The following MAD1L1 variants were observed in gnomAD, a reference collection of about 807,000 sequenced individuals.
The protein encoded by MAD1L1 is mitotic spindle assembly checkpoint protein MAD1.
In MAD1L1, 95 loss-of-function variants were observed where a neutral mutation model predicts 96.9. The observed-to-expected ratio is 0.98, with a 90% CI of 0.83 to 1.16. The LOEUF is 1.16. Ranked by LOEUF, MAD1L1 falls within the 50% of genes most tolerant of loss-of-function variation. MAD1L1 has a pLI of 0.00. For missense variants in MAD1L1, 1,007 were observed against 954.4 expected (o/e 1.06, Z -0.73); for synonymous variants, 473 against 396.6 (o/e 1.19, Z -2.29).
intron 17 of MAD1L1, among the ~76,000 whole-genome samples, chr7:1,907,536 G>A (rs796760945): frequency 5.9e-5 from 9 of 152,388 alleles, no homozygotes; most frequent in African/African-American, 1.4e-4. Flanking sequence ...CCTACTCGGC[G>A]TAGGCCCGGC....
chr7:1,888,493 T>C (rs1009084409), intron 18 of MAD1L1, among the ~76,000 whole-genome samples: 49 of 151,482 alleles, frequency 3.2e-4, no homozygotes, highest in Admixed American at 3.0e-3. Context: ...TGCATGCATG[T>C]ATGTGGCTGC....
At chr7:2,171,891 G>A (rs763960747) in intron 10 of MAD1L1, among the ~76,000 whole-genome samples, 3 of 152,200 alleles carry the variant, frequency 2.0e-5, no homozygotes, top group African/African-American at 4.8e-5. Context: ...GACCAGACCC[G>A]TAAGAGATGC....
intron 14 of MAD1L1, among the ~76,000 whole-genome samples, chr7:1,985,896 C>G (rs533535309): frequency 2.0e-5 from 3 of 152,338 alleles, no homozygotes; most frequent in African/African-American, 7.2e-5. Flanking sequence ...CCAAGCCTCA[C>G]AGACTCTACC....
chr7:1,853,857 C>A (rs1250397803), intron 18 of MAD1L1, among the ~76,000 whole-genome samples: 5 of 152,196 alleles, frequency 3.3e-5, no homozygotes, highest in African/African-American at 1.2e-4. Context: ...ACCGGGCAGG[C>A]CCCACCTGGC....
rs563044891 is a variant in MAD1L1, at chr7:2,038,526, T to G, written c.1219-23884A>C. ...TTTTTTTTTTTTTTTTTTTTTTTTT[T>G]GAGACACAGTCTCACTCATTCTGTC... On this transcript the variant is annotated intron_variant, in intron 12 of 18. Coordinates refer to ENST00000265854, the MANE Select transcript of MAD1L1 (RefSeq NM_001013836.2). 1.9e-4 allele frequency among the ~76,000 whole-genome samples: 22 copies of G among 112,828 alleles called. No individual in the cohort carries two copies. In the South Asian group the frequency reaches 6.1e-3, roughly 32 times the overall value. 74.0% of individuals were successfully genotyped at this position (112,828 alleles called of 152,430 possible).
At chr7:1,903,592 G>T (rs1192165835) in intron 17 of MAD1L1, among the ~76,000 whole-genome samples, 3 of 138,786 alleles carry the variant, frequency 2.2e-5, no homozygotes, top group Non-Finnish European at 4.5e-5. Flanking sequence ...CAGCGAGCAC[G>T]CAGTGGCCTA....
chr7:1,911,209 C>A (rs1787997685), intron 17 of MAD1L1, among the ~76,000 whole-genome samples: 4 of 152,160 alleles, frequency 2.6e-5, no homozygotes, highest in Admixed American at 2.6e-4. Context: ...ACCCGCTGGA[C>A]ACCAGGTTTC....
At chr7:1,885,449 TCA>T (rs1257006049) in intron 18 of MAD1L1, among the ~76,000 whole-genome samples, 2 of 151,604 alleles carry the variant, frequency 1.3e-5, no homozygotes, top group African/African-American at 4.9e-5. Flanking sequence ...GCCAGTGCAC[TCA>T]GACAGGAGAG....
chr7:1,929,646 C>G (rs1185465097), intron 17 of MAD1L1, among the ~76,000 whole-genome samples: 3 of 152,072 alleles, frequency 2.0e-5, no homozygotes, highest in East Asian at 1.9e-4. Context: ...ACACCAGAGA[C>G]AGCCCTTGGG....
chr7:2,053,440 C>T (rs1294039072), intron 12 of MAD1L1, among the ~76,000 whole-genome samples: 1 of 152,254 alleles, frequency 6.6e-6, no homozygotes, highest in Non-Finnish European at 1.5e-5. Context: ...ATGCAAGGAA[C>T]TGTGCCAGCC....
At chr7:1,954,663 A>C (rs572242261) in intron 16 of MAD1L1, among the ~76,000 whole-genome samples, 2 of 152,332 alleles carry the variant, frequency 1.3e-5, no homozygotes, top group Admixed American at 1.3e-4. Context: ...TCTTCACTTC[A>C]GAACACTGCA....
chr7:2,085,662 T>C (rs977350956), intron 11 of MAD1L1, among the ~76,000 whole-genome samples: 1 of 152,176 alleles, frequency 6.6e-6, no homozygotes, highest in Admixed American at 6.5e-5. Context: ...TCAGCCTCCA[T>C]CTCTTATGGC....
chr7:2,104,211 C>T (rs1488564411), intron 11 of MAD1L1, among the ~76,000 whole-genome samples: 1 of 152,226 alleles, frequency 6.6e-6, no homozygotes, highest in Non-Finnish European at 1.5e-5. Context: ...TAGCGGCAAA[C>T]TCCTCCACAG....
chr7:1,851,211 G>C (rs955791179), intron 18 of MAD1L1, among the ~76,000 whole-genome samples: 4 of 152,140 alleles, frequency 2.6e-5, no homozygotes, highest in Non-Finnish European at 5.9e-5. Context: ...GCAGGAGCCC[G>C]GCCTCGGCCG....
intron 10 of MAD1L1, among the ~76,000 whole-genome samples, chr7:2,195,627 A>G (rs1318157535): frequency 6.6e-6 from 1 of 152,212 alleles, no homozygotes; most frequent in Non-Finnish European, 1.5e-5. Flanking sequence ...CACCTGATAA[A>G]AAATTAATTG....
chr7:2,145,380 C>T (rs1194744041), intron 11 of MAD1L1, among the ~76,000 whole-genome samples: 1 of 152,238 alleles, frequency 6.6e-6, no homozygotes, highest in African/African-American at 2.4e-5. Context: ...CTACCAACTC[C>T]AGCCCCAAGA....
chr7:2,095,187 C>T (rs1786421107), intron 11 of MAD1L1, among the ~76,000 whole-genome samples: 1 of 152,098 alleles, frequency 6.6e-6, no homozygotes, highest in Non-Finnish European at 1.5e-5. Context: ...GGACTACAGG[C>T]ACCCGCCACC....
At chr7:1,949,085 C>T (rs886201003) in intron 16 of MAD1L1, among the ~76,000 whole-genome samples, 2 of 152,182 alleles carry the variant, frequency 1.3e-5, no homozygotes, top group Non-Finnish European at 2.9e-5. Context: ...GCTGGGGCAA[C>T]GCTGCCCGGG....
chr7:2,004,237 C>A (rs897798300), intron 13 of MAD1L1, among the ~76,000 whole-genome samples: 2 of 152,188 alleles, frequency 1.3e-5, no homozygotes, highest in Non-Finnish European at 2.9e-5. Context: ...GTGAGACGCA[C>A]CCATGAGAGC....
Sources: gnomAD v4.1 joint callset for allele counts (sites outside exome capture counted in the v4.1 genomes callset) on GRCh38, gnomAD v4.1.1 for gene constraint, MANE v1.5 for transcripts, NCBI Gene and HGNC (gene_info 2026-07-23, HGNC 2026-07-21) for gene names.